The following GLCCI1 variants were observed in gnomAD, a reference collection of about 807,000 sequenced individuals.
GLCCI1 encodes the protein glucocorticoid induced 1.
A neutral mutation model predicts 52.2 loss-of-function variants in GLCCI1; 24 were observed. The ratio of observed to expected loss-of-function variants is 0.46; its 90% confidence interval spans 0.33 to 0.65. GLCCI1 has a LOEUF of 0.65. GLCCI1 is among the 30% of genes least tolerant of loss of function. The pLI is 0.02. For synonymous variants in GLCCI1, 310 were observed against 276.5 expected (o/e 1.12, Z -1.20); for missense variants, 704 against 701.5 (o/e 1.00, Z -0.04).
chr7:8,013,161 G>T (rs1781303987), intron 2 of GLCCI1, among the ~76,000 whole-genome samples: 1 of 152,110 alleles, frequency 6.6e-6, no homozygotes, highest in Non-Finnish European at 1.5e-5. Flanking sequence ...CCATAATTGG[G>T]AAAGATTTTT....
chr7:8,078,078 C>T (rs1379252324), intron 6 of GLCCI1, among the ~76,000 whole-genome samples: 1 of 151,712 alleles, frequency 6.6e-6, no homozygotes, highest in Non-Finnish European at 1.5e-5. Context: ...ACTAAAAATA[C>T]AAAAAATGAG....
chr7:7,989,529 A>G (rs974898524), intron 1 of GLCCI1, among the ~76,000 whole-genome samples: 1 of 152,126 alleles, frequency 6.6e-6, no homozygotes, highest in Non-Finnish European at 1.5e-5. Context: ...TGAGCCTCAC[A>G]TAAAGAATAT....
chr7:8,043,072 T>C (rs1015535472), intron 3 of GLCCI1, among the ~76,000 whole-genome samples: 10 of 152,208 alleles, frequency 6.6e-5, no homozygotes, highest in African/African-American at 1.7e-4. Flanking sequence ...AAAAAGATTG[T>C]AACTTGCTGA....
chr7:8,055,368 A>C, intron 3 of GLCCI1, 65 bp from the exon 4 acceptor site: 1 of 946,442 alleles, frequency 1.1e-6, no homozygotes, highest in Non-Finnish European at 1.6e-6. Flanking sequence ...AAACTGAAGA[A>C]ATAAATATAA....
At chr7:7,976,802 C>T (rs1446886388) in intron 1 of GLCCI1, among the ~76,000 whole-genome samples, 1 of 151,844 alleles carries the variant, frequency 6.6e-6, no homozygotes, top group Admixed American at 6.6e-5. Context: ...AGTCCAGCTA[C>T]TCAGGATCCT....
intron 7 of GLCCI1, among the ~76,000 whole-genome samples, 174 bp downstream of exon 7, chr7:8,085,191 T>G (rs1783077810): frequency 1.3e-5 from 2 of 151,962 alleles, no homozygotes; most frequent in Non-Finnish European, 2.9e-5. Flanking sequence ...AGAACTGGAG[T>G]CTGTATGTTG....
chr7:7,993,251 T>C (rs1363442644), intron 1 of GLCCI1, among the ~76,000 whole-genome samples: 3 of 152,300 alleles, frequency 2.0e-5, no homozygotes, highest in East Asian at 3.9e-4. Flanking sequence ...TTCAAGGCTC[T>C]AGTGCTCCCA....
chr7:7,972,799 A>G (rs1178529132), intron 1 of GLCCI1, among the ~76,000 whole-genome samples: 1 of 152,116 alleles, frequency 6.6e-6, no homozygotes, highest in East Asian at 1.9e-4. Flanking sequence ...AAAAAATGAT[A>G]ATTTCCTTTA....
At chr7:8,077,050 A>G (rs532982922) in intron 6 of GLCCI1, among the ~76,000 whole-genome samples, 5 of 152,368 alleles carry the variant, frequency 3.3e-5, no homozygotes, top group African/African-American at 1.2e-4. Context: ...TTGGTGGGAA[A>G]GAGGCCATGA....
chr7:8,043,162 A>G (rs996628089), intron 3 of GLCCI1, among the ~76,000 whole-genome samples: 12 of 152,234 alleles, frequency 7.9e-5, no homozygotes, highest in East Asian at 3.8e-4. Context: ...AGACACTACT[A>G]TTGCACACTT....
intron 2 of GLCCI1, among the ~76,000 whole-genome samples, chr7:8,012,869 G>A (rs1327251284): frequency 6.6e-6 from 1 of 152,182 alleles, no homozygotes; most frequent in East Asian, 1.9e-4. Flanking sequence ...GCCAAATCCA[G>A]TGTCAGGAAG....
intron 1 of GLCCI1, among the ~76,000 whole-genome samples, chr7:7,999,316 C>T (rs1328356650): frequency 6.6e-6 from 1 of 152,124 alleles, no homozygotes; most frequent in African/African-American, 2.4e-5. Flanking sequence ...CATTATAAAA[C>T]ATTAAAATGG....
intron 2 of GLCCI1, among the ~76,000 whole-genome samples, chr7:8,021,416 AT>A (rs1394148321): frequency 6.6e-6 from 1 of 151,968 alleles, no homozygotes; most frequent in East Asian, 1.9e-4. Flanking sequence ...TTGTTTAATT[AT>A]TATTTTTTTT....
Position 7,981,691 on chromosome 7 carries a change from C to A in GLCCI1, c.457+11884C>A, listed in dbSNP as rs77287531. 1,566 of 242,140 alleles carry A rather than the reference C, an allele frequency of 6.5e-3. 24 individuals are homozygous for A. The highest frequency in any genetic ancestry group is 0.036 in the East Asian group (269 of 7,398). 15.0% of individuals were successfully genotyped at this position (242,140 alleles called of 1,614,324 possible). On this transcript the variant is annotated intron_variant, in intron 1 of 7. Transcript: ENST00000223145. ...TATACTTATAGATGACAGAAGAAAA[C>A]ATGGATTTTAGCCAGTCTGTTACAA... is the stretch of plus-strand genomic sequence containing the variant.
At chr7:8,032,485 T>C (rs1781776716) in intron 3 of GLCCI1, among the ~76,000 whole-genome samples, 1 of 151,894 alleles carries the variant, frequency 6.6e-6, no homozygotes, top group South Asian at 2.1e-4. Flanking sequence ...ATCACTAAAG[T>C]TGAAAAACAT....
intron 3 of GLCCI1, among the ~76,000 whole-genome samples, chr7:8,030,071 G>C (rs1425971291): frequency 6.6e-6 from 1 of 152,096 alleles, no homozygotes; most frequent in Non-Finnish European, 1.5e-5. Context: ...AATGACAAAA[G>C]ACCCAGAATA....
At chr7:8,066,594 T>C (rs1250239183) in intron 5 of GLCCI1, among the ~76,000 whole-genome samples, 1 of 151,338 alleles carries the variant, frequency 6.6e-6, no homozygotes, top group African/African-American at 2.4e-5. Context: ...TTTAGTCCCA[T>C]AGTTTCAAAG....
intron 3 of GLCCI1, among the ~76,000 whole-genome samples, chr7:8,047,580 A>C (rs967669310): frequency 2.0e-5 from 3 of 152,218 alleles, no homozygotes; most frequent in African/African-American, 7.2e-5. Context: ...TAGTTTATAT[A>C]GTGTCAACAT....
At chr7:8,078,936 T>C (rs753249564) in intron 6 of GLCCI1, among the ~76,000 whole-genome samples, 7 of 152,214 alleles carry the variant, frequency 4.6e-5, no homozygotes, top group Non-Finnish European at 1.0e-4. Flanking sequence ...CATTTTCCTT[T>C]AGCAAGAATT....
Sources: allele counts gnomAD v4.1 joint callset (sites outside exome capture counted in the v4.1 genomes callset), GRCh38; gene constraint gnomAD v4.1.1; transcripts MANE v1.5; gene names NCBI Gene and HGNC (gene_info 2026-07-23, HGNC 2026-07-21).